Variants in FLG observed in about 807,000 individuals in gnomAD.
FLG encodes filaggrin, also known as epidermal filaggrin.
Under a neutral mutation model 3.8 loss-of-function variants are expected in FLG, and 6 were observed. That is an observed-to-expected ratio of 1.60 (90% CI 0.87 to 3.15). The LOEUF is 3.15. Among genes scored for constraint, FLG ranks in the 30% most tolerant of loss-of-function variants. FLG has a pLI of 0.00. For synonymous variants in FLG, 2,551 were observed against 1,931.6 expected, an observed-to-expected ratio of 1.32 and a Z score of -8.41; for missense variants, 7,595 against 5,050.9, an observed-to-expected ratio of 1.50 and a Z score of -15.27.
In FLG at chr1:152,311,504, CAG is replaced by C; in HGVS notation, c.3380_3381del (p.Ser1127Ter). ...FIYQVSTHEQ[S>X]ESAHGRTRTS... ...GTCCTGGTCCGCCCATGGGCAGACT[CAG>C]ACTGTTCATGAGTGCTCACCTGGTA... On this transcript the variant is annotated frameshift_variant, in exon 3 of 3. Transcript: ENST00000368799. LOFTEE classifies it low-confidence loss of function (END_TRUNC). The C allele has an allele frequency of 6.2e-7, 1 of 1,613,864 alleles. No individual in the cohort carries two copies. Among genetic ancestry groups the C allele is most frequent in the Middle Eastern group, 1.7e-4 (1 of 6,056 alleles).
chr1:152,304,515 A>G lies in FLG; in HGVS notation c.10371T>C (p.Ser3457=), dbSNP rs766026921. ...GGCTGTGATGGGACCCTGAGTGTCCAGACCTATCTACCGATTGCTCGTAGT... is the reference window on the plus strand; with the variant it reads ...GGCTGTGATGGGACCCTGAGTGTCCGGACCTATCTACCGATTGCTCGTAGT... ...GSHYEQSVDR[S]GHSGSHHSHT... is the part of the protein sequence containing the mutation. Residue 3457 remains serine (S), a synonymous_variant, in exon 3 of 3, where the codon TCT becomes TCC. Coordinates refer to ENST00000368799, the MANE Select transcript of FLG (RefSeq NM_002016.2). The G allele has an allele frequency of 3.1e-6, 5 of 1,612,640 alleles. No individual in the cohort carries two copies. The South Asian group carries it at 4.4e-5, about 14-fold the overall frequency.
rs1345385203 is a variant in FLG at position 152,305,555 on chromosome 1, G to A, written c.9331C>T (p.Arg3111Cys). The change falls in exon 3 of 3, where the codon CGT (arginine) becomes TGT (cysteine). Residue 3111 changes from arginine (R) to cysteine (C), a missense_variant. Physicochemically the swap from Arg to Cys is radical, Grantham distance 180. Transcript: ENST00000368799. ...SASQYGQDTI[R>C]GHPGSSRGGR... is the part of the protein sequence containing the mutation. ...CCTCTGCTTGACCCCGGGTGTCCAC[G>A]AATGGTGTCCTGACCGTATTGGGAT... 9 of 1,520,302 alleles carry A rather than the reference G, an allele frequency of 5.9e-6. No homozygotes were observed. Among genetic ancestry groups the A allele is most frequent in the African/African-American group, 3.6e-5 (2 of 55,368 alleles). The allele number at this position is 1,520,302 out of a possible 1,614,324, so 94.2% of individuals were successfully genotyped here.
intron 1 of FLG, among the ~76,000 whole-genome samples, chr1:152,318,198 C>A (rs749253477): frequency 6.6e-6 from 1 of 151,890 alleles, no homozygotes; most frequent in Non-Finnish European, 1.5e-5. Context: ...GAGAAGTTTT[C>A]TCTGCTTTCT....
chr1:152,302,332 T>C lies in FLG; in HGVS notation c.*368A>G, dbSNP rs926258179. On this transcript the variant is annotated 3_prime_UTR_variant, in exon 3 of 3. Coordinates refer to ENST00000368799, the MANE Select transcript of FLG (RefSeq NM_002016.2). ...AGCCACTTTGGTATACAGAACTGTT[T>C]TATATTTTTGGCTCCTTCGATATTT... The C allele has an allele frequency of 1.1e-4, 30 of 280,360 alleles. No individual in the cohort carries two copies. Among genetic ancestry groups the C allele is most frequent in the Non-Finnish European group, 1.1e-4 (16 of 148,302 alleles). 17.4% of individuals were successfully genotyped at this position (280,360 alleles called of 1,614,324 possible).
Position 152,308,417 on chromosome 1 carries a change from A to G in FLG, c.6469T>C (p.Ser2157Pro). Residue 2157 changes from serine (S) to proline (P), a missense_variant, in exon 3 of 3, where the codon TCG becomes CCG. Ser to Pro is a moderately conservative substitution (Grantham distance 74). Coordinates refer to ENST00000368799, the MANE Select transcript of FLG (RefSeq NM_002016.2). ...GGRQGSHQEQ[S>P]VDRSGHSGSH... ...CCTGAGTGTCCAGACCTATCTACCG[A>G]TTGCTCTTGGTGGGACCCCTGTCTT... 1 of 1,613,036 alleles carries G rather than the reference A, an allele frequency of 6.2e-7. No individual in the cohort carries two copies. Among genetic ancestry groups the G allele is most frequent in the Non-Finnish European group, 8.5e-7 (1 of 1,179,682 alleles).
chr1:152,303,762 C>A lies in FLG; in HGVS notation c.11124G>T (p.Gly3708=). The change falls in exon 3 of 3, where the codon GGG becomes GGT. Residue 3708 remains glycine, a synonymous_variant. Transcript: ENST00000368799. Reference sequence around the variant, plus strand: ...GAGTGCTCACCTGGTAGAGGAAAGACCCTGAACGTCCAGACCTTCCTGCTG... The same window carrying A: ...GAGTGCTCACCTGGTAGAGGAAAGAACCTGAACGTCCAGACCTTCCTGCTG... ...GRSAGRSGRS[G]SFLYQVSTHE... is the part of the protein sequence containing the mutation. 1.2e-6 allele frequency: 2 copies of A among 1,613,858 alleles called. No individual in the cohort carries two copies. The highest frequency in any genetic ancestry group is 1.7e-6 in the Non-Finnish European group (2 of 1,179,934).
rs756282293 is a variant in FLG at position 152,313,762 on chromosome 1, T to C, written c.1124A>G (p.Gln375Arg). 2.5e-6 allele frequency: 4 copies of C among 1,614,042 alleles called. No homozygotes were observed. The highest frequency in any genetic ancestry group is 3.4e-6 in the Non-Finnish European group (4 of 1,179,964). ...SRGQTASSHE[Q>R]ARSSPGERHG... The stretch of plus-strand genomic sequence containing the variant: ...TCTTTCTCCTGGACTTGATCTTGCC[T>C]GTTCATGGGATGATGCAGTCTGTCC... Residue 375 changes from glutamine to arginine, a missense_variant, in exon 3 of 3, where the codon CAG (glutamine) becomes CGG (arginine). Transcript: ENST00000368799.
Position 152,304,789 on chromosome 1 carries a change from T to G in FLG, c.10097A>C (p.Gln3366Pro). ...GTCACGTGCGGACTCTTGGTGGCTCTGCTGATGGGGCCCAGCCTGTCCATG... is the reference window on the plus strand; with the variant it reads ...GTCACGTGCGGACTCTTGGTGGCTCGGCTGATGGGGCCCAGCCTGTCCATG... ...SGHGQAGPHQ[Q>P]SHQESARDRS... is the part of the protein sequence containing the mutation. The change falls in exon 3 of 3, where the codon CAG becomes CCG. Residue 3366 changes from glutamine to proline, a missense_variant. Coordinates refer to ENST00000368799, the MANE Select transcript of FLG (RefSeq NM_002016.2). 1.9e-6 allele frequency: 3 copies of G among 1,613,876 alleles called. No individual in the cohort carries two copies. Among genetic ancestry groups the G allele is most frequent in the Non-Finnish European group, 2.5e-6 (3 of 1,179,966 alleles).
rs199849330 is a variant in FLG, at chr1:152,312,147, G to T, written c.2739C>A (p.His913Gln). Residue 913 changes from histidine to glutamine, a missense_variant, in exon 3 of 3, where the codon CAC (histidine) becomes CAA (glutamine). His to Gln is a conservative substitution (Grantham distance 24). Coordinates refer to ENST00000368799, the MANE Select transcript of FLG (RefSeq NM_002016.2). ...TGTCGGCATGAGAGGAAGCTTCATG[G>T]TGACGTGACCCTGAGTGCCTGGAGC... The part of the protein sequence containing the change: ...RDGSRHSGSR[H>Q]HEASSHADIS... 9.4e-6 allele frequency: 15 copies of T among 1,599,688 alleles called. No individual in the cohort carries two copies. The highest frequency in any genetic ancestry group is 1.3e-5 in the Non-Finnish European group (15 of 1,177,774).
Position 152,311,716 on chromosome 1 carries a change from G to A in FLG, c.3170C>T (p.Ala1057Val), listed in dbSNP as rs777035408. The change falls in exon 3 of 3, where the codon GCA becomes GTA. Residue 1057 changes from alanine (A) to valine (V), a missense_variant. Ala to Val is a moderately conservative substitution (Grantham distance 64). Coordinates refer to ENST00000368799, the MANE Select transcript of FLG (RefSeq NM_002016.2). ...CCCCCAGTGTCCACTGTCTCTGACTGCAGATGAAGCTTGTCTGCGCGGAAT... is the reference window on the plus strand; with the variant it reads ...CCCCCAGTGTCCACTGTCTCTGACTACAGATGAAGCTTGTCTGCGCGGAAT... ...SGIPRRQASS[A>V]VRDSGHWGSS... 2 of 1,613,962 alleles carry A rather than the reference G, an allele frequency of 1.2e-6. No individual in the cohort carries two copies. The highest frequency in any genetic ancestry group is 2.7e-5 in the African/African-American group (2 of 74,886).
chr1:152,311,680 C>G lies in FLG; in HGVS notation c.3206G>C (p.Ser1069Thr), dbSNP rs577769973. ...ATGTCCCTCACTATCACTGGCCTGA[C>G]TACCACTGGACCCCCAGTGTCCACT... ...RDSGHWGSSGSQASDSEGHSE... is the reference protein window; with the variant it reads ...RDSGHWGSSGTQASDSEGHSE... Residue 1069 changes from serine (S) to threonine (T), a missense_variant, in exon 3 of 3, where the codon AGT (serine) becomes ACT (threonine). By Grantham distance (58) the Ser-to-Thr change is moderately conservative. Coordinates refer to ENST00000368799, the MANE Select transcript of FLG (RefSeq NM_002016.2). The G allele has an allele frequency of 6.2e-7, 1 of 1,614,034 alleles. No homozygotes were observed. The highest frequency in any genetic ancestry group is 8.5e-7 in the Non-Finnish European group (1 of 1,180,036).
chr1:152,311,645 A>C lies in FLG; in HGVS notation c.3241T>G (p.Ser1081Ala), dbSNP rs150038611. The C allele has an allele frequency of 6.2e-7, 1 of 1,613,220 alleles. No homozygotes were observed. Among genetic ancestry groups the C allele is most frequent in the African/African-American group, 1.3e-5 (1 of 74,624 alleles). Reference sequence around the variant, plus strand: ...TGGCCTGACACTGACTGTGTGTCTGACTCCTCTGAATGTCCCTCACTATCA... The same window carrying C: ...TGGCCTGACACTGACTGTGTGTCTGCCTCCTCTGAATGTCCCTCACTATCA... Reference protein sequence around the residue: ...ASDSEGHSEESDTQSVSGHGQ... With the variant: ...ASDSEGHSEEADTQSVSGHGQ... The change falls in exon 3 of 3, where the codon TCA (serine) becomes GCA (alanine). Residue 1081 changes from serine (S) to alanine (A), a missense_variant. Coordinates refer to ENST00000368799, the MANE Select transcript of FLG (RefSeq NM_002016.2).
Position 152,320,354 on chromosome 1 carries a change from A to C in FLG, c.-22+4835T>G, listed in dbSNP as rs74668122. 9.5e-3 allele frequency among the ~76,000 whole-genome samples: 1,435 copies of C among 151,122 alleles called. 25 individuals are homozygous for C. The highest frequency in any genetic ancestry group is 0.033 in the African/African-American group (1,364 of 41,428). On this transcript the variant is annotated intron_variant, in intron 1 of 2. Coordinates refer to ENST00000368799, the MANE Select transcript of FLG (RefSeq NM_002016.2). ...CTGTCAGACTGGATTAAAAAAAACC[A>C]ACTGTATTCTGCTTATAAGAGACAC...
At position 152,315,417 on chromosome 1, in the gene FLG, G is replaced by T; in HGVS notation, c.40C>A (p.Leu14Ile). 1 of 1,611,722 alleles carries T rather than the reference G, an allele frequency of 6.2e-7. No homozygotes were observed. The highest frequency in any genetic ancestry group is 8.5e-7 in the Non-Finnish European group (1 of 1,178,692). The change falls in exon 2 of 3, where the codon CTT (leucine) becomes ATT (isoleucine). Residue 14 changes from leucine (L) to isoleucine (I), a missense_variant. Transcript: ENST00000368799. ...LLENIFAIIN[L>I]FKQYSKKDKN... ...TCTTTTTTTGAATATTGCTTGAAAA[G>T]ATTAATTATGGCAAAGATGTTTTCC...
chr1:152,310,056 C>T lies in FLG; in HGVS notation c.4830G>A (p.Arg1610=), dbSNP rs757271097. 19 of 1,613,902 alleles carry T rather than the reference C, an allele frequency of 1.2e-5. No individual in the cohort carries two copies. The highest frequency in any genetic ancestry group is 5.0e-5 in the Admixed American group (3 of 59,994). ...SEGHSEDSER[R]SESASRNHYG... ...AATGGTTTCTGGAAGCCGACTCAGA[C>T]CGCCTCTCAGAGTCTTCTGAGTGTC... The change falls in exon 3 of 3, where the codon CGG becomes CGA. Residue 1610 remains arginine, a synonymous_variant. Coordinates refer to ENST00000368799, the MANE Select transcript of FLG (RefSeq NM_002016.2).
chr1:152,312,769 T>C lies in FLG; in HGVS notation c.2117A>G (p.Glu706Gly). The part of the protein sequence containing the change: ...SHEQARSSAG[E>G]RHGSRHQLQS... ...GAGCTGGTGGCGGGATCCATGTCTT[T>C]CTCCTGCACTTGATCTTGCCTGTTC... The change falls in exon 3 of 3, where the codon GAA becomes GGA. Residue 706 changes from glutamate (E) to glycine (G), a missense_variant. By Grantham distance (98) the Glu-to-Gly change is moderately conservative. Coordinates refer to ENST00000368799, the MANE Select transcript of FLG (RefSeq NM_002016.2). 6.2e-7 allele frequency: 1 copy of C among 1,613,902 alleles called. No individual in the cohort carries two copies.
Position 152,311,731 on chromosome 1 carries a change from C to CCG in FLG, c.3154_3155insCG (p.Arg1052ThrfsTer71), listed in dbSNP as rs758459086. Reference sequence around the variant, plus strand: ...GTCTCTGACTGCAGATGAAGCTTGTCTGCGCGGAATGCCTGAGTGTCTGGA... The same window carrying CCG: ...GTCTCTGACTGCAGATGAAGCTTGTCCGTGCGCGGAATGCCTGAGTGTCTGGA... On this transcript the variant is annotated frameshift_variant, in exon 3 of 3. Transcript: ENST00000368799. LOFTEE classifies it low-confidence loss of function (END_TRUNC). The CCG allele has an allele frequency of 3.1e-6, 5 of 1,613,934 alleles. No homozygotes were observed. Among genetic ancestry groups the CCG allele is most frequent in the African/African-American group, 2.7e-5 (2 of 74,864 alleles).
Position 152,302,896 on chromosome 1 carries a change from C to A in FLG, c.11990G>T (p.Gly3997Val). ...AGGATTGGAATTGTAACTAACACTT[C>A]CGTGCTGAGAGTGTCTAAACCCGGA... The part of the protein sequence containing the change: ...GESGFRHSQH[G>V]SVSYNSNPVV... The change falls in exon 3 of 3, where the codon GGA (glycine) becomes GTA (valine). Residue 3997 changes from glycine (G) to valine (V), a missense_variant. Physicochemically the swap from Gly to Val is moderately radical, Grantham distance 109. Coordinates refer to ENST00000368799, the MANE Select transcript of FLG (RefSeq NM_002016.2). 6.2e-7 allele frequency: 1 copy of A among 1,614,178 alleles called. No homozygotes were observed. The highest frequency in any genetic ancestry group is 8.5e-7 in the Non-Finnish European group (1 of 1,180,030).
At position 152,305,613 on chromosome 1, in the gene FLG, A is replaced by G. The variant is rs777309084; in HGVS notation, c.9273T>C (p.His3091=). The part of the protein sequence containing the change: ...PSTRGRQGSR[H]EQAQDSSRHS... ...GCCTGGAGCTGTCTTGTGCCTGCTC[A>G]TGGCGGGATCCTTGTCTTCCTCTAG... The change falls in exon 3 of 3, where the codon CAT becomes CAC. Residue 3091 remains histidine (H), a synonymous_variant. Transcript: ENST00000368799. 26 of 1,495,646 alleles carry G rather than the reference A, an allele frequency of 1.7e-5. 6 individuals carry two copies. Among genetic ancestry groups the G allele is most frequent in the Non-Finnish European group, 2.3e-5 (26 of 1,127,058 alleles). 92.6% of individuals were successfully genotyped at this position (1,495,646 alleles called of 1,614,324 possible). A position where few individuals can be genotyped will look rare whatever the true frequency, so the allele number is the denominator to read the frequency against.
Sources: gnomAD v4.1 joint callset for allele counts (sites outside exome capture counted in the v4.1 genomes callset) on GRCh38, gnomAD v4.1.1 for gene constraint, MANE v1.5 for transcripts, NCBI Gene and HGNC (gene_info 2026-07-23, HGNC 2026-07-21) for gene names.